IDE: variants seen among roughly 807,000 people sequenced by gnomAD.
IDE encodes the protein insulin degrading enzyme.
IDE carries 58 observed loss-of-function variants against 133.2 expected under a neutral mutation model. The ratio of observed to expected loss-of-function variants is 0.44; its 90% CI spans 0.35 to 0.54. The LOEUF (loss-of-function observed/expected upper bound fraction) is 0.54, where lower values mean the gene tolerates loss of function less well. Ranked by LOEUF, IDE falls within the 20% of genes least tolerant of loss-of-function variation. The pLI, the probability that IDE is intolerant of heterozygous loss-of-function variation, is 0.00. For missense variants in IDE, 981 were observed against 1,234.0 expected, an observed-to-expected ratio of 0.79 and a Z score of 3.07; for synonymous variants, 396 against 421.3, an observed-to-expected ratio of 0.94 and a Z score of 0.73.
At chr10:92,498,697 A>G (rs1336475174) in intron 11 of IDE, among the ~76,000 whole-genome samples, 1 of 152,172 alleles carries the variant, frequency 6.6e-6, no homozygotes, top group Non-Finnish European at 1.5e-5. Flanking sequence ...GCGGAGGTGC[A>G]GTGAGCCAAG....
chr10:92,457,170 T>A (rs1845075984), intron 22 of IDE, among the ~76,000 whole-genome samples: 1 of 152,144 alleles, frequency 6.6e-6, no homozygotes. Context: ...ATCTTTAGTG[T>A]CTACAGAGAC....
chr10:92,514,426 T>C (rs1848793205), intron 5 of IDE, among the ~76,000 whole-genome samples: 1 of 151,998 alleles, frequency 6.6e-6, no homozygotes, highest in Non-Finnish European at 1.5e-5. Context: ...AATCTGCCAA[T>C]CTTTGTCCTT....
Position 92,456,451 on chromosome 10 carries a change from G to T in IDE, c.2824-20C>A. On this transcript the variant is annotated intron_variant, in intron 22 of 24. Coordinates refer to ENST00000265986, the MANE Select transcript of IDE (RefSeq NM_004969.4). The stretch of plus-strand genomic sequence containing the variant: ...CATTTCCTAGGCACAAAGAAGAGCA[G>T]GGTCACCCTTTTGCTCCACTAAAGA... 5.0e-6 allele frequency: 8 copies of T among 1,585,914 alleles called. No homozygotes were observed. The highest frequency in any genetic ancestry group is 6.1e-6 in the Non-Finnish European group (7 of 1,154,308).
At chr10:92,565,768 C>A (rs1843508541) in intron 1 of IDE, among the ~76,000 whole-genome samples, 1 of 152,166 alleles carries the variant, frequency 6.6e-6, no homozygotes, top group African/African-American at 2.4e-5. Context: ...CCAGTAATCA[C>A]TTCAGACTCA....
In IDE at chr10:92,459,100, T is replaced by C. The variant is rs1017628851; in HGVS notation, c.2823+2091A>G. On this transcript the variant is annotated intron_variant, in intron 22 of 24. Transcript: ENST00000265986. ...CTTCTGCTGCTCAGTTCTGAAACTA[T>C]AGTCTCCTTTTCTTATTGTTAAGGT... Among the ~76,000 whole-genome samples the C allele has an allele frequency of 6.6e-5, 10 of 152,336 alleles. No homozygotes were observed. In the East Asian group the frequency reaches 1.2e-3, roughly 18 times the overall value.
Position 92,474,906 on chromosome 10 carries a change from T to C in IDE, c.2051A>G (p.Tyr684Cys). 1 of 1,613,142 alleles carries C rather than the reference T, an allele frequency of 6.2e-7. No homozygotes were observed. The highest frequency in any genetic ancestry group is 8.5e-7 in the Non-Finnish European group (1 of 1,179,146). The part of the protein sequence containing the change: ...RAEQPHQHAM[Y>C]YLRLLMTEVA... Reference sequence around the variant, plus strand: ...TTCAGTCATCAGCAAGCGGAGGTAGTACATGGCATGCTGGTGAGGCTGTTC... The same window carrying C: ...TTCAGTCATCAGCAAGCGGAGGTAGCACATGGCATGCTGGTGAGGCTGTTC... The change falls in exon 17 of 25, where the codon TAC becomes TGC. Residue 684 changes from tyrosine to cysteine, a missense_variant. Coordinates refer to ENST00000265986, the MANE Select transcript of IDE (RefSeq NM_004969.4).
At chr10:92,565,044 G>A (rs1843466253) in intron 1 of IDE, among the ~76,000 whole-genome samples, 1 of 152,042 alleles carries the variant, frequency 6.6e-6, no homozygotes, top group East Asian at 1.9e-4. Flanking sequence ...TCAGGAGTTT[G>A]AGACCAGCCT....
rs182031549 is a variant in IDE at position 92,521,484 on chromosome 10, G to A, written c.662-6442C>T. On this transcript the variant is annotated intron_variant, in intron 4 of 24. Transcript: ENST00000265986. ...AAATAAATTCCAAGAGGGGAGTGAG[G>A]GGAAGGAGTAGAGGAAGAGATGAAG... Among the ~76,000 whole-genome samples the A allele has an allele frequency of 1.6e-3, 250 of 152,028 alleles. 1 individual carries two copies. Among genetic ancestry groups the A allele is most frequent in the Middle Eastern group, 6.8e-3 (2 of 292 alleles).
intron 14 of IDE, among the ~76,000 whole-genome samples, chr10:92,482,963 G>A (rs2135423786): frequency 6.6e-6 from 1 of 151,982 alleles, no homozygotes; most frequent in Middle Eastern, 3.4e-3. Flanking sequence ...TGTATTTTTA[G>A]TAGAGACGGG....
At chr10:92,529,961 C>T (rs2135662654) in intron 4 of IDE, among the ~76,000 whole-genome samples, 1 of 152,276 alleles carries the variant, frequency 6.6e-6, no homozygotes. Flanking sequence ...CGCAGTGGCT[C>T]ACGCCTGTAA....
At chr10:92,470,221 C>A in intron 18 of IDE, 33 bp downstream of exon 18, 2 of 1,388,552 alleles carry the variant, frequency 1.4e-6, no homozygotes, top group South Asian at 1.2e-5. Flanking sequence ...TTGCAATGAT[C>A]CACAAAAGAT....
At chr10:92,562,674 C>A (rs1301014143) in intron 1 of IDE, among the ~76,000 whole-genome samples, 2 of 152,080 alleles carry the variant, frequency 1.3e-5, no homozygotes, top group Non-Finnish European at 2.9e-5. Flanking sequence ...ACACTCCCAG[C>A]CTATATTGGC....
intron 19 of IDE, among the ~76,000 whole-genome samples, chr10:92,466,867 C>T (rs1463696227): frequency 6.6e-6 from 1 of 151,924 alleles, no homozygotes; most frequent in Non-Finnish European, 1.5e-5. Context: ...ATCCACCCAC[C>T]TCAGCCTCCC....
At chr10:92,456,267 C>T (rs1027505119) in intron 23 of IDE, 92 bp downstream of exon 23, 11 of 870,768 alleles carry the variant, frequency 1.3e-5, no homozygotes, top group South Asian at 2.7e-5. Flanking sequence ...ACCTCTTTTA[C>T]TTTCTGGTGT....
At chr10:92,573,222 G>A in intron 1 of IDE, 1 of 973,914 alleles carries the variant, frequency 1.0e-6, no homozygotes, top group Non-Finnish European at 1.2e-6. Context: ...AAAAACCTGT[G>A]TCCTAATCCT....
intron 1 of IDE, among the ~76,000 whole-genome samples, chr10:92,572,299 A>G (rs1478371894): frequency 6.6e-6 from 1 of 152,226 alleles, no homozygotes; most frequent in Non-Finnish European, 1.5e-5. Context: ...ACAAAAGAGG[A>G]CAAAAGGAGG....
At chr10:92,483,531 T>C (rs1339101630) in intron 13 of IDE, among the ~76,000 whole-genome samples, 194 bp from the exon 14 acceptor site, 5 of 152,192 alleles carry the variant, frequency 3.3e-5, no homozygotes, top group African/African-American at 9.6e-5. Flanking sequence ...CAGACTCCTG[T>C]AGCAGAGTGA....
chr10:92,523,737 A>G (rs958538346), intron 4 of IDE, among the ~76,000 whole-genome samples: 1 of 151,504 alleles, frequency 6.6e-6, no homozygotes, highest in South Asian at 2.1e-4. Context: ...GCACACCTAA[A>G]ATACAGCTCC....
intron 21 of IDE, 110 bp from the exon 22 acceptor site, chr10:92,461,362 TA>T: frequency 3.8e-6 from 2 of 528,792 alleles, no homozygotes; most frequent in East Asian, 6.8e-5. Context: ...TATCCATATA[TA>T]TTTTTTTTTG....
Sources: gnomAD v4.1 joint callset for allele counts (sites outside exome capture counted in the v4.1 genomes callset) on GRCh38, gnomAD v4.1.1 for gene constraint, MANE v1.5 for transcripts, NCBI Gene and HGNC (gene_info 2026-07-23, HGNC 2026-07-21) for gene names.